Variants in RBFOX1 observed in about 807,000 individuals in gnomAD.
RBFOX1 encodes RNA binding fox-1 homolog 1.
RBFOX1 carries 8 observed loss-of-function variants against 57.7 expected under a neutral mutation model. The observed-to-expected ratio is 0.14, with a 90% CI of 0.08 to 0.25. RBFOX1 has a LOEUF of 0.25. Ranked by LOEUF, RBFOX1 falls within the 10% of genes least tolerant of loss-of-function variation. The pLI is 1.00. For synonymous variants in RBFOX1, 326 were observed against 222.4 expected, an observed-to-expected ratio of 1.47 and a Z score of -4.15; for missense variants, 611 against 548.5, an observed-to-expected ratio of 1.11 and a Z score of -1.14.
At chr16:5,485,970 G>A (rs1038444613) in intron 2 of RBFOX1, among the ~76,000 whole-genome samples, 1 of 152,180 alleles carries the variant, frequency 6.6e-6, no homozygotes, top group African/African-American at 2.4e-5. Context: ...AGAATCAAGA[G>A]GCAGGCTCTG....
intron 4 of RBFOX1, among the ~76,000 whole-genome samples, chr16:7,068,245 C>G (rs1156562023): frequency 1.3e-5 from 2 of 152,144 alleles, no homozygotes; most frequent in African/African-American, 4.8e-5. Flanking sequence ...GATTGTCGGT[C>G]CAAAATCATG....
intron 10 of RBFOX1, among the ~76,000 whole-genome samples, chr16:7,620,809 A>G (rs1489099948): frequency 6.6e-6 from 1 of 152,198 alleles, no homozygotes; most frequent in African/African-American, 2.4e-5. Context: ...AAACTGACTT[A>G]TAGTTCAGTT....
chr16:6,459,729 C>A (rs2153061142), intron 2 of RBFOX1, among the ~76,000 whole-genome samples: 1 of 152,032 alleles, frequency 6.6e-6, no homozygotes, highest in Non-Finnish European at 1.5e-5. Flanking sequence ...GTAATCCCAG[C>A]ACTTTGGGAG....
intron 1 of RBFOX1, among the ~76,000 whole-genome samples, chr16:6,301,816 A>G (rs888277900): frequency 1.4e-4 from 21 of 152,182 alleles, no homozygotes; most frequent in Non-Finnish European, 2.9e-5. Context: ...AAAGTTAAGA[A>G]TATTTATCAG....
At chr16:5,557,500 G>A (rs1418770198) in intron 2 of RBFOX1, among the ~76,000 whole-genome samples, 1 of 152,074 alleles carries the variant, frequency 6.6e-6, no homozygotes, top group African/African-American at 2.4e-5. Flanking sequence ...GGTGCTTGCG[G>A]TAAGGGGTAT....
intron 4 of RBFOX1, among the ~76,000 whole-genome samples, chr16:7,456,335 A>G (rs1395120540): frequency 6.6e-6 from 1 of 152,180 alleles, no homozygotes; most frequent in East Asian, 1.9e-4. Flanking sequence ...TCTCATTGTG[A>G]AGTGAATCAC....
At chr16:6,528,662 C>G (rs1364439630) in intron 2 of RBFOX1, among the ~76,000 whole-genome samples, 1 of 152,186 alleles carries the variant, frequency 6.6e-6, no homozygotes, top group Non-Finnish European at 1.5e-5. Flanking sequence ...CTTGATATCA[C>G]TTGTGCTAGG....
At chr16:6,937,359 C>T (rs911675758) in intron 3 of RBFOX1, among the ~76,000 whole-genome samples, 3 of 152,070 alleles carry the variant, frequency 2.0e-5, no homozygotes, top group African/African-American at 4.8e-5. Flanking sequence ...GAAGTAGATA[C>T]TTTTCTTTGT....
intron 3 of RBFOX1, among the ~76,000 whole-genome samples, chr16:5,770,990 G>C (rs1207030720): frequency 6.6e-6 from 1 of 152,180 alleles, no homozygotes; most frequent in African/African-American, 2.4e-5. Flanking sequence ...TTTTGCTGGA[G>C]GTGTGGTCTG....
chr16:6,866,034 C>T (rs1477676015), intron 3 of RBFOX1, among the ~76,000 whole-genome samples: 2 of 152,014 alleles, frequency 1.3e-5, no homozygotes, highest in East Asian at 1.9e-4. Context: ...TCTTTGAATG[C>T]ATCTGGAAAG....
chr16:6,843,911 G>C lies in RBFOX1; in HGVS notation c.-16+189261G>C, dbSNP rs550998042. Among the ~76,000 whole-genome samples the C allele has an allele frequency of 2.0e-5, 3 of 152,190 alleles. No homozygotes were observed. In the South Asian group the frequency reaches 6.2e-4, roughly 32 times the overall value. On this transcript the variant is annotated intron_variant, in intron 3 of 15. Transcript: ENST00000550418. ...CCTTCAGTATCTAAGAATATGGGGG[G>C]GAAATTACCAGAATTCTCCACTGTC...
At chr16:5,648,821 C>T (rs762764342) in intron 3 of RBFOX1, among the ~76,000 whole-genome samples, 6 of 152,012 alleles carry the variant, frequency 3.9e-5, no homozygotes, top group East Asian at 1.9e-4. Context: ...CCCAGCACTT[C>T]GGGAGGCCAA....
chr16:6,252,001 C>G (rs113206541), intron 1 of RBFOX1, among the ~76,000 whole-genome samples: 4,498 of 152,132 alleles, frequency 0.03, 164 homozygotes, highest in African/African-American at 0.084. Flanking sequence ...AATGGAAAAA[C>G]AAACTTAGGG....
chr16:7,182,856 T>C (rs1430847652), intron 4 of RBFOX1, among the ~76,000 whole-genome samples: 1 of 152,192 alleles, frequency 6.6e-6, no homozygotes, highest in African/African-American at 2.4e-5. Context: ...AATTGCATTT[T>C]AGCTCAACTT....
intron 2 of RBFOX1, among the ~76,000 whole-genome samples, chr16:6,339,270 A>G (rs1277523917): frequency 6.6e-6 from 1 of 152,230 alleles, no homozygotes; most frequent in Admixed American, 6.5e-5. Flanking sequence ...GGGAAATGCC[A>G]AGCAACCCAA....
At position 7,493,267 on chromosome 16, in the gene RBFOX1, G is replaced by C. The variant is rs905505325; in HGVS notation, c.28-24880G>C. The stretch of plus-strand genomic sequence containing the variant: ...CAGTCAGACTGTCTACCTTTCAGGC[G>C]CTCAACAGCCACACGTGGCTAGAGT... On this transcript the variant is annotated intron_variant, in intron 4 of 15. Coordinates refer to ENST00000550418, the MANE Select transcript of RBFOX1 (RefSeq NM_018723.4). Among the ~76,000 whole-genome samples the C allele has an allele frequency of 5.9e-5, 9 of 152,172 alleles. 1 individual carries two copies. The highest frequency in any genetic ancestry group is 4.6e-4 in the Admixed American group (7 of 15,278).
chr16:5,281,866 G>A (rs1170859620), intron 1 of RBFOX1, among the ~76,000 whole-genome samples: 3 of 152,088 alleles, frequency 2.0e-5, no homozygotes, highest in East Asian at 1.9e-4. Context: ...TTTTTTATCC[G>A]TTAAGCCTGT....
At chr16:7,242,352 G>A (rs907157431) in intron 4 of RBFOX1, among the ~76,000 whole-genome samples, 3 of 152,200 alleles carry the variant, frequency 2.0e-5, no homozygotes, top group African/African-American at 7.2e-5. Flanking sequence ...GGTACCTTCT[G>A]ATGCAGACAG....
intron 2 of RBFOX1, among the ~76,000 whole-genome samples, chr16:6,627,011 G>A (rs915612290): frequency 6.6e-6 from 1 of 152,180 alleles, no homozygotes; most frequent in Non-Finnish European, 1.5e-5. Context: ...CAGAAGGCTG[G>A]GCTATGTTGC....
Sources: allele counts gnomAD v4.1 joint callset (sites outside exome capture counted in the v4.1 genomes callset), GRCh38; gene constraint gnomAD v4.1.1; transcripts MANE v1.5; gene names NCBI Gene and HGNC (gene_info 2026-07-23, HGNC 2026-07-21).